Variants in IL18R1 observed in about 807,000 individuals in gnomAD.
IL18R1 encodes the protein interleukin 18 receptor 1.
IL18R1 carries 40 observed loss-of-function variants against 48.5 expected under a neutral mutation model. That is an observed-to-expected ratio of 0.82 (90% CI 0.64 to 1.07). The LOEUF (loss-of-function observed/expected upper bound fraction) is 1.07. IL18R1 is among the 50% of genes least tolerant of loss of function. The probability of loss-of-function intolerance (pLI) is 0.00; values close to 1 mark genes in which losing one functional copy is unlikely to be tolerated. For synonymous variants in IL18R1, 232 were observed against 225.9 expected, an observed-to-expected ratio of 1.03 and a Z score of -0.24; for missense variants, 596 against 633.7, an observed-to-expected ratio of 0.94 and a Z score of 0.64.
At chr2:102,358,878 T>C (rs1185044235) in intron 1 of IL18R1, among the ~76,000 whole-genome samples, 1 of 152,202 alleles carries the variant, frequency 6.6e-6, no homozygotes, top group African/African-American at 2.4e-5. Flanking sequence ...ATTATGTATA[T>C]TTTATGGATG....
chr2:102,359,189 T>C (rs1678433540), intron 1 of IL18R1, among the ~76,000 whole-genome samples: 1 of 152,152 alleles, frequency 6.6e-6, no homozygotes, highest in African/African-American at 2.4e-5. Flanking sequence ...AAGTAATTAG[T>C]AGGTATTTGA....
rs180851572 is a variant in IL18R1, at chr2:102,368,774, A to C, written c.302+706A>C. Among the ~76,000 whole-genome samples, 9 of 152,266 alleles carry C rather than the reference A, an allele frequency of 5.9e-5. No individual in the cohort carries two copies. The East Asian group carries it at 1.7e-3, about 29-fold the overall frequency. ...TTTAGATGTACCTACCTACATATGTAGGTAGTTTTATAGAGACTTGAGACT... is the reference window on the plus strand; with the variant it reads ...TTTAGATGTACCTACCTACATATGTCGGTAGTTTTATAGAGACTTGAGACT... On this transcript the variant is annotated intron_variant, in intron 3 of 10. Coordinates refer to ENST00000233957, the MANE Select transcript of IL18R1 (RefSeq NM_003855.5).
At chr2:102,393,281 CTGAT>C (rs1680646666) in intron 9 of IL18R1, among the ~76,000 whole-genome samples, 1 of 152,140 alleles carries the variant, frequency 6.6e-6, no homozygotes, top group South Asian at 2.1e-4. Flanking sequence ...AACCTACTTA[CTGAT>C]TGATAACTGG....
intron 1 of IL18R1, among the ~76,000 whole-genome samples, chr2:102,361,566 T>C (rs1298995922): frequency 6.6e-6 from 1 of 152,170 alleles, no homozygotes; most frequent in Non-Finnish European, 1.5e-5. Context: ...GTTTAATCAC[T>C]CAATAATTCC....
At position 102,396,619 on chromosome 2, in the gene IL18R1, G is replaced by C. The variant is rs768557298; in HGVS notation, c.1359G>C (p.Arg453Ser). The C allele has an allele frequency of 6.2e-7, 1 of 1,613,422 alleles. No homozygotes were observed. Among genetic ancestry groups the C allele is most frequent in the Admixed American group, 1.7e-5 (1 of 60,016 alleles). Residue 453 changes from arginine (R) to serine (S), a missense_variant, in exon 11 of 11, where the codon AGG becomes AGC. Physicochemically the swap from Arg to Ser is moderately radical, Grantham distance 110. This residue lies in a region of IL18R1 where 179 missense variants were observed against 206.1 expected (regional missense o/e 0.87). Transcript: ENST00000233957. Reference sequence around the variant, plus strand: ...AAAGTTATATGTCTAATGAGGTCAGGTATGAACTTGAAAGTGGACTCCATG... The same window carrying C: ...AAAGTTATATGTCTAATGAGGTCAGCTATGAACTTGAAAGTGGACTCCATG... The part of the protein sequence containing the change: ...LSKSYMSNEV[R>S]YELESGLHEA...
rs191673049 is a variant in IL18R1 at position 102,394,000 on chromosome 2, G to C, written c.1112-469G>C. ...AGATTGGATGAAGCTAGAAGAGAGA[G>C]TGGTATCATGTTTTAATTACCCAAT... On this transcript the variant is annotated intron_variant, in intron 9 of 10. Coordinates refer to ENST00000233957, the MANE Select transcript of IL18R1 (RefSeq NM_003855.5). Among the ~76,000 whole-genome samples the C allele has an allele frequency of 1.6e-3, 250 of 152,290 alleles. 2 individuals are homozygous for C. Among genetic ancestry groups the C allele is most frequent in the Non-Finnish European group, 2.8e-3 (191 of 68,026 alleles).
In IL18R1 at chr2:102,357,683, A is replaced by G. The variant is rs544353990; in HGVS notation, c.-29+1283A>G. Among the ~76,000 whole-genome samples the G allele has an allele frequency of 9.9e-5, 15 of 152,066 alleles. 1 individual carries two copies. In the South Asian group the frequency reaches 3.1e-3, roughly 32 times the overall value. On this transcript the variant is annotated intron_variant, in intron 1 of 10. Transcript: ENST00000233957. ...GAAGGCAAATACTGAGCCAAGTTGA[A>G]AGGACTCTAGGGACCTGGCATCTGG...
chr2:102,376,897 C>CT (rs574895871), intron 5 of IL18R1, among the ~76,000 whole-genome samples: 8 of 152,120 alleles, frequency 5.3e-5, no homozygotes, highest in East Asian at 1.9e-4. Context: ...TTGTTGAAGT[C>CT]TTTTTTTTCC....
At chr2:102,374,275 G>A (rs1212433157) in intron 4 of IL18R1, among the ~76,000 whole-genome samples, 1 of 152,184 alleles carries the variant, frequency 6.6e-6, no homozygotes, top group East Asian at 1.9e-4. Context: ...CAGAACTTGG[G>A]AAATCTGAAG....
Position 102,392,166 on chromosome 2 carries a change from G to A in IL18R1, c.1111+1949G>A, listed in dbSNP as rs140271836. Among the ~76,000 whole-genome samples the A allele has an allele frequency of 2.0e-5, 3 of 152,216 alleles. No individual in the cohort carries two copies. In the East Asian group the frequency reaches 5.8e-4, roughly 29 times the overall value. The stretch of plus-strand genomic sequence containing the variant: ...ATTAGTTCCTCTGAGATTTTTATAG[G>A]TTTAGTTTTCACATTTAGAACTTTA... On this transcript the variant is annotated intron_variant, in intron 9 of 10. Transcript: ENST00000233957.
chr2:102,379,905 T>C (rs1679819681), intron 5 of IL18R1, among the ~76,000 whole-genome samples: 2 of 152,296 alleles, frequency 1.3e-5, no homozygotes, highest in African/African-American at 4.8e-5. Flanking sequence ...GATCTTGCTT[T>C]TTGAGGCTGC....
chr2:102,381,533 A>C, intron 5 of IL18R1, 87 bp from the exon 6 acceptor site: 1 of 946,222 alleles, frequency 1.1e-6, no homozygotes. Context: ...TCTTTGTTAC[A>C]TGAAATGAGC....
intron 4 of IL18R1, among the ~76,000 whole-genome samples, chr2:102,373,550 G>A (rs760330259): frequency 1.2e-4 from 18 of 151,878 alleles, no homozygotes; most frequent in Admixed American, 1.3e-4. Context: ...ACCATGGCAC[G>A]TGTATACCTA....
chr2:102,358,956 G>A (rs1442854562), intron 1 of IL18R1, among the ~76,000 whole-genome samples: 1 of 152,116 alleles, frequency 6.6e-6, no homozygotes, highest in East Asian at 1.9e-4. Context: ...ATGACAGTTA[G>A]TGATAAGTGC....
At chr2:102,371,221 C>G (rs1276455163) in intron 3 of IL18R1, among the ~76,000 whole-genome samples, 1 of 152,100 alleles carries the variant, frequency 6.6e-6, no homozygotes, top group Non-Finnish European at 1.5e-5. Flanking sequence ...GACGGAGTTT[C>G]ACCACATTGG....
intron 1 of IL18R1, among the ~76,000 whole-genome samples, chr2:102,361,978 A>C (rs550508985): frequency 6.6e-6 from 1 of 152,174 alleles, no homozygotes; most frequent in Non-Finnish European, 1.5e-5. Flanking sequence ...AAGTAAACTC[A>C]TATGGGCAGC....
At chr2:102,388,048 C>T (rs1680341710) in intron 8 of IL18R1, among the ~76,000 whole-genome samples, 1 of 152,086 alleles carries the variant, frequency 6.6e-6, no homozygotes, top group African/African-American at 2.4e-5. Flanking sequence ...GGGAGAGATA[C>T]ACACAGACAC....
chr2:102,384,998 T>G lies in IL18R1; in HGVS notation c.809T>G (p.Met270Arg). Reference sequence around the variant, plus strand: ...CATGAAGAGAAAGAAATGAGAATTATGTATGTATGTGTAATATATATGTCA... The same window carrying G: ...CATGAAGAGAAAGAAATGAGAATTAGGTATGTATGTGTAATATATATGTCA... ...NIHEEKEMRI[M>R]TPEGKWHASK... The change falls in exon 7 of 11, where the codon ATG becomes AGG. Residue 270 changes from methionine to arginine, a missense_variant and splice_region_variant. Met to Arg is a moderately conservative substitution (Grantham distance 91). Around this residue, in one of 3 missense-constraint regions of IL18R1, gnomAD observed 360 missense variants for 339.4 expected, o/e 1.06. Transcript: ENST00000233957. 6.8e-7 allele frequency: 1 copy of G among 1,467,770 alleles called. No homozygotes were observed. Among genetic ancestry groups the G allele is most frequent in the Non-Finnish European group, 9.5e-7 (1 of 1,048,670 alleles). The allele number at this position is 1,467,770 out of a possible 1,614,324, so 90.9% of individuals were successfully genotyped here.
intron 1 of IL18R1, among the ~76,000 whole-genome samples, chr2:102,361,426 G>A (rs1242264996): frequency 1.3e-5 from 2 of 152,190 alleles, no homozygotes; most frequent in East Asian, 1.9e-4. Context: ...TAGCCATTAA[G>A]CTTTATCCTG....
Sources: gnomAD v4.1 joint callset for allele counts (sites outside exome capture counted in the v4.1 genomes callset) on GRCh38, gnomAD v4.1.1 for gene constraint, gnomAD v4.1.1 regional missense constraint, MANE v1.5 for transcripts, NCBI Gene and HGNC (gene_info 2026-07-23, HGNC 2026-07-21) for gene names.